ATRN: variants seen among roughly 807,000 people sequenced by gnomAD.
The protein encoded by ATRN is attractin-2.
A neutral mutation model predicts 178.7 loss-of-function variants in ATRN; 54 were observed. The observed-to-expected ratio is 0.30, with a 90% confidence interval of 0.24 to 0.38. ATRN has a LOEUF of 0.38. Ranked by LOEUF, ATRN falls within the 10% of genes least tolerant of loss-of-function variation. ATRN has a pLI of 1.00. For synonymous variants in ATRN, 636 were observed against 663.0 expected (o/e 0.96, Z 0.63); for missense variants, 1,443 against 1,815.1 (o/e 0.79, Z 3.73).
chr20:3,624,668 T>A (rs1192067613), intron 25 of ATRN, 96 bp downstream of exon 25: 7 of 1,053,100 alleles, frequency 6.6e-6, no homozygotes, highest in Admixed American at 2.2e-5. Context: ...AGAATAATCC[T>A]GTGTTTCCAC....
intron 19 of ATRN, among the ~76,000 whole-genome samples, chr20:3,593,114 C>T (rs1025036819): frequency 2.0e-5 from 3 of 152,168 alleles, no homozygotes; most frequent in Non-Finnish European, 4.4e-5. Context: ...CTAAGAACCA[C>T]GCCCAGTCTG....
chr20:3,475,618 G>A (rs899390875), intron 1 of ATRN, among the ~76,000 whole-genome samples: 6 of 152,114 alleles, frequency 3.9e-5, no homozygotes, highest in African/African-American at 1.4e-4. Flanking sequence ...AAGGTCACCA[G>A]TGTAATTTTT....
intron 24 of ATRN, among the ~76,000 whole-genome samples, chr20:3,620,904 GGCTACAT>G (rs2086892217): frequency 6.6e-6 from 1 of 152,118 alleles, no homozygotes; most frequent in African/African-American, 2.4e-5. Context: ...ATGGCCCGCG[GGCTACAT>G]GCAGCCCAGG....
At chr20:3,603,210 G>A (rs1242598161) in intron 23 of ATRN, among the ~76,000 whole-genome samples, 2 of 152,116 alleles carry the variant, frequency 1.3e-5, no homozygotes, top group Non-Finnish European at 2.9e-5. Flanking sequence ...GTGGTAGAAG[G>A]GAGGACTGAG....
At chr20:3,620,392 G>A (rs577053851) in intron 24 of ATRN, among the ~76,000 whole-genome samples, 1 of 152,234 alleles carries the variant, frequency 6.6e-6, no homozygotes, top group African/African-American at 2.4e-5. Context: ...GATCACAGGT[G>A]CACACCACCA....
Position 3,534,308 on chromosome 20 carries a change from AGTCAGAG to A in ATRN, c.411-939_411-933del, listed in dbSNP as rs777862624. ...GAATAAACTGGAGAGATGAGATAGT[AGTCAGAG>A]GTCAGGGTGCTTTTTTTGTGGTAAT... On this transcript the variant is annotated intron_variant, in intron 1 of 28. Coordinates refer to ENST00000262919, the MANE Select transcript of ATRN (RefSeq NM_139321.3). Among the ~76,000 whole-genome samples the A allele has an allele frequency of 1.4e-3, 207 of 152,278 alleles. 1 individual carries two copies. Among genetic ancestry groups the A allele is most frequent in the Non-Finnish European group, 2.3e-3 (157 of 68,022 alleles).
chr20:3,615,712 C>T (rs893109095), intron 24 of ATRN: 18 of 436,620 alleles, frequency 4.1e-5, no homozygotes, highest in Middle Eastern at 4.1e-4. Context: ...CACTTCACCA[C>T]GCCCAGCTAA....
chr20:3,597,839 A>G, intron 21 of ATRN, 67 bp from the exon 22 acceptor site: 6 of 955,436 alleles, frequency 6.3e-6, no homozygotes, highest in Non-Finnish European at 9.7e-6. Context: ...AGCAGCCTGT[A>G]TCTCTAAAGA....
At chr20:3,639,326 CT>C (rs1210698947) in intron 27 of ATRN, among the ~76,000 whole-genome samples, 4 of 152,148 alleles carry the variant, frequency 2.6e-5, no homozygotes, top group African/African-American at 9.7e-5. Context: ...ATGATCTCGG[CT>C]CACTGCAATC....
intron 19 of ATRN, 50 bp downstream of exon 19, chr20:3,591,356 G>A: frequency 1.3e-6 from 2 of 1,566,598 alleles, no homozygotes; most frequent in South Asian, 1.2e-5. Context: ...GTGGAACACA[G>A]CACTTCTATT....
intron 1 of ATRN, among the ~76,000 whole-genome samples, chr20:3,485,572 A>G (rs2084678628): frequency 1.4e-5 from 2 of 140,754 alleles, no homozygotes; most frequent in African/African-American, 5.4e-5. Flanking sequence ...TTTTTAATAC[A>G]GATTTTTAGA....
At chr20:3,570,658 T>C (rs912322229) in intron 11 of ATRN, among the ~76,000 whole-genome samples, 5 of 152,198 alleles carry the variant, frequency 3.3e-5, no homozygotes, top group Non-Finnish European at 5.9e-5. Context: ...CATCTTTACA[T>C]TAGCTTTTGA....
At chr20:3,579,881 T>C (rs752507514) in intron 15 of ATRN, among the ~76,000 whole-genome samples, 2 of 152,152 alleles carry the variant, frequency 1.3e-5, no homozygotes, top group Non-Finnish European at 2.9e-5. Flanking sequence ...CGGCTGCCTG[T>C]GGCCTCTGTG....
intron 3 of ATRN, among the ~76,000 whole-genome samples, chr20:3,543,938 G>A (rs1228403434): frequency 1.3e-5 from 2 of 152,132 alleles, no homozygotes; most frequent in African/African-American, 4.8e-5. Context: ...GGAGGCTGAG[G>A]TGGGAAGATT....
At chr20:3,644,082 A>C in intron 27 of ATRN, 72 bp from the exon 28 acceptor site, 1 of 1,159,156 alleles carries the variant, frequency 8.6e-7, no homozygotes, top group Non-Finnish European at 1.3e-6. Flanking sequence ...TATAAGCACA[A>C]ATGACCGTTA....
In ATRN at chr20:3,578,575, A is replaced by G. The variant is rs369665828; in HGVS notation, c.2354-7A>G. 6.3e-7 allele frequency: 1 copy of G among 1,596,048 alleles called. No individual in the cohort carries two copies. Among genetic ancestry groups the G allele is most frequent in the East Asian group, 2.2e-5 (1 of 44,558 alleles). The stretch of plus-strand genomic sequence containing the variant: ...TTCTTTTCTTTCTCTTTTCCCCTTA[A>G]TGAAAGAAAATATCTGTGGCATTGG... On this transcript the variant is annotated splice_polypyrimidine_tract_variant and splice_region_variant and intron_variant, in intron 14 of 28. Transcript: ENST00000262919.
chr20:3,478,921 C>CTTTTT (rs71331052), intron 1 of ATRN, among the ~76,000 whole-genome samples: 5 of 126,042 alleles, frequency 4.0e-5, no homozygotes, highest in Non-Finnish European at 5.0e-5. Flanking sequence ...AATTCATACC[C>CTTTTT]TTTTTTTTTT....
intron 21 of ATRN, among the ~76,000 whole-genome samples, chr20:3,597,320 A>G (rs1214749084): frequency 6.6e-6 from 1 of 152,264 alleles, no homozygotes; most frequent in East Asian, 1.9e-4. Flanking sequence ...TTACAACTGA[A>G]TAAGATGACA....
chr20:3,503,145 G>T (rs535609471), intron 1 of ATRN, among the ~76,000 whole-genome samples: 26 of 152,158 alleles, frequency 1.7e-4, no homozygotes, highest in African/African-American at 6.3e-4. Context: ...AACAAAGCAG[G>T]CTAAATAACA....
Sources: allele counts gnomAD v4.1 joint callset (sites outside exome capture counted in the v4.1 genomes callset), GRCh38; gene constraint gnomAD v4.1.1; transcripts MANE v1.5; gene names NCBI Gene and HGNC (gene_info 2026-07-23, HGNC 2026-07-21).